RBFOX1: variants seen among roughly 807,000 people sequenced by gnomAD.
RBFOX1 encodes RNA binding protein fox-1 homolog 1.
A neutral mutation model predicts 57.7 loss-of-function variants in RBFOX1; 8 were observed. The observed-to-expected ratio is 0.14, with a 90% CI of 0.08 to 0.25. The LOEUF (loss-of-function observed/expected upper bound fraction) is 0.25. Among genes scored for constraint, RBFOX1 ranks in the 10% least tolerant of loss-of-function variants. The pLI is 1.00. For missense variants in RBFOX1, 611 were observed against 548.5 expected (o/e 1.11, Z -1.14); for synonymous variants, 326 against 222.4 (o/e 1.47, Z -4.15).
chr16:6,896,963 G>C (rs2067084724), intron 3 of RBFOX1, among the ~76,000 whole-genome samples: 1 of 152,194 alleles, frequency 6.6e-6, no homozygotes, highest in African/African-American at 2.4e-5. Flanking sequence ...GAATGCAGCT[G>C]ACAGGCCGTC....
rs150869614 is a variant in RBFOX1 at position 6,149,537 on chromosome 16, G to C, written c.-127+129545G>C. ...ATAAGGCCCCAGAAATTCTGCAGCT[G>C]GTGCTGACTGGGTGAAATAATGTGA... On this transcript the variant is annotated intron_variant, in intron 1 of 15. Transcript: ENST00000550418. Among the ~76,000 whole-genome samples, 61 of 152,314 alleles carry C rather than the reference G, an allele frequency of 4.0e-4. 1 individual carries two copies. The East Asian group carries it at 0.012, about 29-fold the overall frequency.
chr16:6,250,203 A>G lies in RBFOX1; in HGVS notation c.-126-66792A>G, dbSNP rs554811978. Among the ~76,000 whole-genome samples, 8 of 152,294 alleles carry G rather than the reference A, an allele frequency of 5.3e-5. No homozygotes were observed. The East Asian group carries it at 1.4e-3, about 26-fold the overall frequency. On this transcript the variant is annotated intron_variant, in intron 1 of 15. Coordinates refer to ENST00000550418, the MANE Select transcript of RBFOX1 (RefSeq NM_018723.4). ...TCACCAGGCTATAAGAGCAGGGACT[A>G]TCTTTTTTTCCCTTCTTCTTTATAC... is the stretch of plus-strand genomic sequence containing the variant.
At chr16:6,890,347 C>T (rs1473080651) in intron 3 of RBFOX1, among the ~76,000 whole-genome samples, 5 of 152,090 alleles carry the variant, frequency 3.3e-5, no homozygotes, top group Admixed American at 1.3e-4. Flanking sequence ...GGTGAAACCC[C>T]GTCTCTACTA....
At chr16:7,143,850 G>C (rs911794300) in intron 4 of RBFOX1, among the ~76,000 whole-genome samples, 2 of 151,452 alleles carry the variant, frequency 1.3e-5, no homozygotes, top group African/African-American at 4.9e-5. Context: ...ATCCTAGCAG[G>C]TACTATAAGA....
At chr16:7,537,127 G>A (rs1015658765) in intron 5 of RBFOX1, among the ~76,000 whole-genome samples, 2 of 152,224 alleles carry the variant, frequency 1.3e-5, no homozygotes, top group Admixed American at 1.3e-4. Context: ...TGACCACCAT[G>A]TGGACAGTGG....
intron 4 of RBFOX1, among the ~76,000 whole-genome samples, chr16:6,006,125 A>T (rs1349843642): frequency 6.6e-6 from 1 of 152,204 alleles, no homozygotes; most frequent in Non-Finnish European, 1.5e-5. Context: ...TGTATTGCCT[A>T]ATTACTTGGC....
At chr16:6,633,241 C>G (rs755644513) in intron 2 of RBFOX1, among the ~76,000 whole-genome samples, 1 of 152,024 alleles carries the variant, frequency 6.6e-6, no homozygotes, top group Non-Finnish European at 1.5e-5. Flanking sequence ...ACAGTCCTCT[C>G]CAATAGGTGC....
intron 2 of RBFOX1, among the ~76,000 whole-genome samples, chr16:6,477,802 G>T (rs2095297579): frequency 6.6e-6 from 1 of 152,196 alleles, no homozygotes; most frequent in Admixed American, 6.5e-5. Context: ...GTCATTTAGT[G>T]TAGCCACCTT....
intron 3 of RBFOX1, among the ~76,000 whole-genome samples, chr16:6,745,836 A>G (rs1479295844): frequency 2.0e-5 from 3 of 152,208 alleles, no homozygotes; most frequent in Non-Finnish European, 4.4e-5. Context: ...GAAGAAAAAA[A>G]CTGTCTTTAT....
intron 4 of RBFOX1, among the ~76,000 whole-genome samples, chr16:7,329,914 A>G (rs192587166): frequency 1.3e-5 from 2 of 152,324 alleles, no homozygotes; most frequent in South Asian, 4.1e-4. Context: ...ATTCTTTTAT[A>G]TATAAGCATA....
chr16:5,298,250 T>C (rs2063715859), intron 1 of RBFOX1, among the ~76,000 whole-genome samples: 2 of 152,180 alleles, frequency 1.3e-5, no homozygotes, highest in African/African-American at 4.8e-5. Context: ...TACCTTGTGG[T>C]TCAAATAAAA....
intron 3 of RBFOX1, among the ~76,000 whole-genome samples, chr16:6,782,203 C>G (rs111498302): frequency 2.0e-5 from 3 of 152,126 alleles, no homozygotes; most frequent in Non-Finnish European, 4.4e-5. Context: ...TACAGGGTTT[C>G]GCCATGTTGG....
At chr16:5,536,593 T>C (rs3893314) in intron 2 of RBFOX1, among the ~76,000 whole-genome samples, 53,125 of 151,834 alleles carry the variant, frequency 0.35, 9,700 homozygotes, top group African/African-American at 0.39. Context: ...AATGAGTGTT[T>C]CCAGGGACGA....
At chr16:6,960,831 C>T (rs1176890939) in intron 3 of RBFOX1, among the ~76,000 whole-genome samples, 1 of 151,920 alleles carries the variant, frequency 6.6e-6, no homozygotes, top group Non-Finnish European at 1.5e-5. Flanking sequence ...CAAACAAAGT[C>T]AAAGAGATTA....
intron 3 of RBFOX1, among the ~76,000 whole-genome samples, chr16:6,964,207 T>C (rs1598525147): frequency 6.6e-6 from 1 of 151,658 alleles, no homozygotes; most frequent in Admixed American, 6.6e-5. Context: ...TTAGTAGAGA[T>C]GGGGTTTCAC....
intron 1 of RBFOX1, among the ~76,000 whole-genome samples, chr16:6,042,332 A>T (rs57353382): frequency 2.0e-5 from 3 of 151,678 alleles, no homozygotes; most frequent in Non-Finnish European, 4.4e-5. Context: ...ATCTCTTAAC[A>T]TTGGGATTTG....
intron 1 of RBFOX1, among the ~76,000 whole-genome samples, chr16:6,068,668 C>G (rs1368030749): frequency 1.3e-5 from 2 of 152,160 alleles, no homozygotes; most frequent in Non-Finnish European, 2.9e-5. Context: ...ACTGAGGCTG[C>G]AGAGGAAGGT....
intron 4 of RBFOX1, among the ~76,000 whole-genome samples, chr16:5,879,627 A>G (rs2057712181): frequency 6.6e-6 from 1 of 152,092 alleles, no homozygotes; most frequent in Non-Finnish European, 1.5e-5. Context: ...ACCACGCCTG[A>G]TCTATTTTCT....
intron 2 of RBFOX1, among the ~76,000 whole-genome samples, chr16:6,597,716 G>C (rs886882615): frequency 5.3e-5 from 8 of 152,054 alleles, no homozygotes; most frequent in African/African-American, 1.9e-4. Context: ...AATTCTGGCT[G>C]CTGAAACATC....
Sources: allele counts gnomAD v4.1 joint callset (sites outside exome capture counted in the v4.1 genomes callset), GRCh38; gene constraint gnomAD v4.1.1; transcripts MANE v1.5; gene names NCBI Gene and HGNC (gene_info 2026-07-23, HGNC 2026-07-21).